Variants in FARP1 observed in about 807,000 individuals in gnomAD.
FARP1 encodes the protein FERM, ARH/RhoGEF and pleckstrin domain protein 1.
Under a neutral mutation model 128.8 loss-of-function variants are expected in FARP1, and 52 were observed. The ratio of observed to expected loss-of-function variants is 0.40; its 90% CI spans 0.32 to 0.51. The LOEUF is 0.51. Ranked by LOEUF, FARP1 falls within the 20% of genes least tolerant of loss-of-function variation. FARP1 has a pLI of 0.45. For missense variants in FARP1, 1,333 were observed against 1,367.9 expected, an observed-to-expected ratio of 0.97 and a Z score of 0.40; for synonymous variants, 580 against 551.8, an observed-to-expected ratio of 1.05 and a Z score of -0.72.
At chr13:98,301,371 T>C (rs1217031977) in intron 2 of FARP1, among the ~76,000 whole-genome samples, 2 of 152,194 alleles carry the variant, frequency 1.3e-5, no homozygotes, top group Non-Finnish European at 2.9e-5. Context: ...CAGGTCTGCT[T>C]GGCAGAAACA....
chr13:98,330,536 C>A (rs774058377), intron 2 of FARP1, among the ~76,000 whole-genome samples: 6 of 152,042 alleles, frequency 3.9e-5, no homozygotes, highest in Non-Finnish European at 8.8e-5. Flanking sequence ...AGGTGGATCA[C>A]CTGAAGTCAG....
intron 2 of FARP1, among the ~76,000 whole-genome samples, chr13:98,284,075 G>A (rs1885059125): frequency 6.6e-6 from 1 of 152,236 alleles, no homozygotes; most frequent in African/African-American, 2.4e-5. Flanking sequence ...GGACAGTGCA[G>A]ATATATCTAG....
chr13:98,327,937 A>G (rs567861915), intron 2 of FARP1, among the ~76,000 whole-genome samples: 7 of 152,208 alleles, frequency 4.6e-5, no homozygotes, highest in South Asian at 2.1e-4. Flanking sequence ...TCAATAAGCT[A>G]TGGGGGAGTC....
intron 17 of FARP1, 27 bp downstream of exon 17, chr13:98,424,677 C>G (rs1294178128): frequency 1.3e-6 from 2 of 1,490,386 alleles, no homozygotes; most frequent in Non-Finnish European, 9.4e-7. Flanking sequence ...TTGGGTGGAG[C>G]AAGGTTCACC....
At chr13:98,282,295 G>T (rs1341599854) in intron 2 of FARP1, among the ~76,000 whole-genome samples, 1 of 151,674 alleles carries the variant, frequency 6.6e-6, no homozygotes, top group African/African-American at 2.4e-5. Context: ...CTCAAAAAAG[G>T]AAAAAACAAA....
At chr13:98,256,206 T>C (rs1232535329) in intron 2 of FARP1, among the ~76,000 whole-genome samples, 3 of 152,232 alleles carry the variant, frequency 2.0e-5, no homozygotes, top group African/African-American at 7.2e-5. Flanking sequence ...TATTAAAATG[T>C]TGATAAACAT....
At chr13:98,440,641 G>GAA in intron 23 of FARP1, 29 bp from the exon 24 acceptor site, 2 of 1,592,098 alleles carry the variant, frequency 1.3e-6, no homozygotes, top group Non-Finnish European at 1.7e-6. Context: ...GGAAAGATCA[G>GAA]AAGTGCTGCC....
intron 2 of FARP1, among the ~76,000 whole-genome samples, chr13:98,323,947 T>G (rs1425986660): frequency 6.6e-6 from 1 of 152,240 alleles, no homozygotes. Flanking sequence ...CAGAATTGAA[T>G]TTAGTCATTT....
chr13:98,370,064 T>C (rs1048765035), intron 5 of FARP1, among the ~76,000 whole-genome samples: 13 of 152,244 alleles, frequency 8.5e-5, no homozygotes, highest in African/African-American at 3.1e-4. Context: ...TAATATCAGA[T>C]AGCGGCAAGA....
At chr13:98,229,651 G>C (rs568650246) in intron 2 of FARP1, among the ~76,000 whole-genome samples, 1 of 150,120 alleles carries the variant, frequency 6.7e-6, no homozygotes, top group Non-Finnish European at 1.5e-5. Context: ...CTCTCCACCA[G>C]CGAATTTTTA....
chr13:98,303,535 A>T (rs1571524), intron 2 of FARP1, among the ~76,000 whole-genome samples: 2 of 152,166 alleles, frequency 1.3e-5, no homozygotes, highest in Non-Finnish European at 1.5e-5. Context: ...ATGTTCATAA[A>T]TGATGCTGTT....
At chr13:98,292,641 C>T (rs1369393374) in intron 2 of FARP1, among the ~76,000 whole-genome samples, 1 of 152,212 alleles carries the variant, frequency 6.6e-6, no homozygotes, top group African/African-American at 2.4e-5. Context: ...CATTCCCTCC[C>T]TGGTAGAACA....
intron 9 of FARP1, chr13:98,389,400 C>T (rs1206808060): frequency 6.5e-6 from 1 of 152,792 alleles, no homozygotes; most frequent in Non-Finnish European, 1.5e-5. Flanking sequence ...TTCTATATCC[C>T]CTTTCCAGAA....
chr13:98,167,939 G>A (rs376943738), intron 1 of FARP1, among the ~76,000 whole-genome samples: 12 of 152,154 alleles, frequency 7.9e-5, no homozygotes, highest in East Asian at 5.8e-4. Flanking sequence ...TTGGGAGGCC[G>A]AGGTGGGTGG....
At chr13:98,163,908 C>T (rs1877061189) in intron 1 of FARP1, among the ~76,000 whole-genome samples, 1 of 152,050 alleles carries the variant, frequency 6.6e-6, no homozygotes, top group East Asian at 1.9e-4. Context: ...GAGGTTTCAC[C>T]ATGTTGGCCA....
rs1007902971 is a variant in FARP1, at chr13:98,440,680, T to A, written c.2640T>A (p.Asp880Glu). The change falls in exon 24 of 27, where the codon GAT (aspartate) becomes GAA (glutamate). Residue 880 changes from aspartate to glutamate, a missense_variant. By Grantham distance (45) the Asp-to-Glu change is conservative. Coordinates refer to ENST00000319562, the MANE Select transcript of FARP1 (RefSeq NM_005766.4). The stretch of plus-strand genomic sequence containing the variant: ...TGCCCCATCCTGTAGAGTCCCCTGA[T>A]GAAGCCACCGCGGCTGACCAGGAGT... The part of the protein sequence containing the change: ...ASSPPDNKSP[D>E]EATAADQESE... 3.1e-6 allele frequency: 5 copies of A among 1,612,538 alleles called. No individual in the cohort carries two copies. In the Admixed American group the frequency reaches 8.4e-5, roughly 27 times the overall value.
Position 98,301,923 on chromosome 13 carries a change from C to CA in FARP1, c.172-41835dup, listed in dbSNP as rs1594375944. Among the ~76,000 whole-genome samples, 7 of 152,178 alleles carry CA rather than the reference C, an allele frequency of 4.6e-5. 1 individual carries two copies. The highest frequency in any genetic ancestry group is 1.3e-4 in the Admixed American group (2 of 15,280). ...AATTCGGGTGACCGGATTTCTCAAA[C>CA]AAAACAGATCATCCTGTCTGTCGAC... On this transcript the variant is annotated intron_variant, in intron 2 of 26. Transcript: ENST00000319562.
intron 2 of FARP1, among the ~76,000 whole-genome samples, chr13:98,306,635 C>T (rs1233287015): frequency 6.6e-6 from 1 of 152,100 alleles, no homozygotes; most frequent in Non-Finnish European, 1.5e-5. Context: ...CTGCCTCAGC[C>T]TCCTGAGTAG....
At chr13:98,237,956 G>A (rs578205769) in intron 2 of FARP1, among the ~76,000 whole-genome samples, 201 of 152,082 alleles carry the variant, frequency 1.3e-3, no homozygotes, top group Non-Finnish European at 2.5e-3. Context: ...TTATGTGAGT[G>A]CAGGCTTGCT....
Sources: gnomAD v4.1 joint callset for allele counts (sites outside exome capture counted in the v4.1 genomes callset) on GRCh38, gnomAD v4.1.1 for gene constraint, MANE v1.5 for transcripts, NCBI Gene and HGNC (gene_info 2026-07-23, HGNC 2026-07-21) for gene names.